GRID2IP: variants seen among roughly 807,000 people sequenced by gnomAD.
GRID2IP encodes delphilin.
Under a neutral mutation model 114.3 loss-of-function variants are expected in GRID2IP, and 78 were observed. The observed-to-expected ratio is 0.68, with a 90% confidence interval of 0.57 to 0.82. GRID2IP has a LOEUF of 0.82. Ranked by LOEUF, GRID2IP falls within the 40% of genes least tolerant of loss-of-function variation. The pLI is 0.00. For missense variants in GRID2IP, 1,727 were observed against 1,678.5 expected, an observed-to-expected ratio of 1.03 and a Z score of -0.51; for synonymous variants, 809 against 724.0, an observed-to-expected ratio of 1.12 and a Z score of -1.89.
In GRID2IP at chr7:6,510,580, C is replaced by A; in HGVS notation, c.1653+29G>T. On this transcript the variant is annotated intron_variant, in intron 10 of 21. Coordinates refer to ENST00000457091, the MANE Select transcript of GRID2IP (RefSeq NM_001145118.2). ...CCGTCCATTCCCTGCCCCCTACTGA[C>A]CCCACGTGGAGGGCAGAGAAGGTCT... is the stretch of plus-strand genomic sequence containing the variant. The A allele has an allele frequency of 2.0e-6, 3 of 1,485,428 alleles. No homozygotes were observed. The South Asian group carries it at 3.8e-5, about 19-fold the overall frequency. 92.0% of individuals were successfully genotyped at this position (1,485,428 alleles called of 1,614,324 possible).
intron 16 of GRID2IP, 66 bp from the exon 17 acceptor site, chr7:6,503,229 T>A: frequency 7.5e-7 from 1 of 1,333,588 alleles, no homozygotes; most frequent in Non-Finnish European, 1.0e-6. Context: ...CACCGCAGGC[T>A]TTGGGGTGGG....
At chr7:6,529,668 G>A (rs930822813) in intron 2 of GRID2IP, among the ~76,000 whole-genome samples, 4 of 152,146 alleles carry the variant, frequency 2.6e-5, no homozygotes, top group Admixed American at 6.6e-5. Flanking sequence ...GCCCTAAATC[G>A]ACTGACCCAG....
rs1468765686 is a variant in GRID2IP, at chr7:6,551,194, C to T, written c.243G>A (p.Val81=). 39 of 1,416,990 alleles carry T rather than the reference C, an allele frequency of 2.8e-5. No homozygotes were observed. The Admixed American group carries it at 9.5e-4, about 35-fold the overall frequency. 87.8% of individuals were successfully genotyped at this position (1,416,990 alleles called of 1,614,324 possible). The stretch of plus-strand genomic sequence containing the variant: ...CGGGGCCACCGTCGGGAGCCGGGAG[C>T]ACGCCCAGACTGGGCGGCACACGTG... ...RCPRVPPSLG[V]LPAPDGGPGP... Residue 81 remains valine (V), a synonymous_variant, in exon 1 of 22, where the codon GTG becomes GTA. Transcript: ENST00000457091.
Position 6,508,534 on chromosome 7 carries a change from G to A in GRID2IP, c.2128-133C>T. 7.1e-7 allele frequency: 1 copy of A among 1,405,586 alleles called. No individual in the cohort carries two copies. Among genetic ancestry groups the A allele is most frequent in the Non-Finnish European group, 9.5e-7 (1 of 1,048,136 alleles). 87.1% of individuals were successfully genotyped at this position (1,405,586 alleles called of 1,614,324 possible). A position where few individuals can be genotyped will look rare whatever the true frequency, so the allele number is the denominator to read the frequency against. ...CTCACGGGTTAGCCTCAGGCTGTGA[G>A]GGACACCTGGGCTAAGGATAGGACT... On this transcript the variant is annotated intron_variant, in intron 12 of 21. Transcript: ENST00000457091. The surrounding 1 kb of genome is among the most constrained non-coding windows in gnomAD (Gnocchi z 5.6).
rs1332287704 is a variant in GRID2IP, at chr7:6,551,073, C to G, written c.364G>C (p.Gly122Arg). ...ALGRELLRLAGRKRPDAVHRE... is the reference protein window; with the variant it reads ...ALGRELLRLARRKRPDAVHRE... Reference sequence around the variant, plus strand: ...TGCACCGCGTCCGGGCGCTTGCGGCCGGCCAGGCGAAGCAGCTCACGGCCC... The same window carrying G: ...TGCACCGCGTCCGGGCGCTTGCGGCGGGCCAGGCGAAGCAGCTCACGGCCC... Residue 122 changes from glycine (G) to arginine (R), a missense_variant, in exon 1 of 22, where the codon GGC (glycine) becomes CGC (arginine). Transcript: ENST00000457091. 7.6e-7 allele frequency: 1 copy of G among 1,313,850 alleles called. No homozygotes were observed. The highest frequency in any genetic ancestry group is 9.7e-7 in the Non-Finnish European group (1 of 1,035,074). 81.4% of individuals were successfully genotyped at this position (1,313,850 alleles called of 1,614,324 possible). A position where few individuals can be genotyped will look rare whatever the true frequency, so the allele number is the denominator to read the frequency against.
intron 4 of GRID2IP, among the ~76,000 whole-genome samples, chr7:6,522,233 G>A (rs555924432): frequency 5.9e-5 from 9 of 152,146 alleles, no homozygotes; most frequent in Non-Finnish European, 1.0e-4. Context: ...GCAGAGGAGA[G>A]TCAAATCAGG....
chr7:6,508,524 C>T lies in GRID2IP; in HGVS notation c.2128-123G>A. On this transcript the variant is annotated intron_variant, in intron 12 of 21. Coordinates refer to ENST00000457091, the MANE Select transcript of GRID2IP (RefSeq NM_001145118.2). The surrounding 1 kb of genome is among the most constrained non-coding windows in gnomAD (Gnocchi z 5.6). ...ACAGGGCCATCTCACGGGTTAGCCTCAGGCTGTGAGGGACACCTGGGCTAA... is the reference window on the plus strand; with the variant it reads ...ACAGGGCCATCTCACGGGTTAGCCTTAGGCTGTGAGGGACACCTGGGCTAA... 6.8e-7 allele frequency: 1 copy of T among 1,470,330 alleles called. No homozygotes were observed. Among genetic ancestry groups the T allele is most frequent in the Non-Finnish European group, 9.1e-7 (1 of 1,101,838 alleles). The allele number at this position is 1,470,330 out of a possible 1,614,324, so 91.1% of individuals were successfully genotyped here.
At chr7:6,527,413 T>C (rs1779536325) in intron 2 of GRID2IP, among the ~76,000 whole-genome samples, 2 of 152,190 alleles carry the variant, frequency 1.3e-5, no homozygotes, top group African/African-American at 4.8e-5. Flanking sequence ...TGGCCTCCTT[T>C]CAACTTAATC....
At chr7:6,541,522 G>T (rs1394550756) in intron 1 of GRID2IP, among the ~76,000 whole-genome samples, 1 of 152,166 alleles carries the variant, frequency 6.6e-6, no homozygotes, top group Non-Finnish European at 1.5e-5. Context: ...CAAACCAGCT[G>T]ATACTAATCA....
Position 6,508,045 on chromosome 7 carries a change from C to T in GRID2IP, c.2484G>A (p.Met828Ile). 2 of 1,548,816 alleles carry T rather than the reference C, an allele frequency of 1.3e-6. No individual in the cohort carries two copies. Among genetic ancestry groups the T allele is most frequent in the Non-Finnish European group, 1.7e-6 (2 of 1,146,636 alleles). ...GTTCCCACCGCAAGCGCTTGACGCT[C>T]ATGTGGCTGGTCTCACTGCGCCGGT... is the stretch of plus-strand genomic sequence containing the variant. ...LGHRRSETSH[M>I]SVKRLRWEQV... Residue 828 changes from methionine (M) to isoleucine (I), a missense_variant, in exon 13 of 22, where the codon ATG (methionine) becomes ATA (isoleucine). Met to Ile is a conservative substitution (Grantham distance 10). Coordinates refer to ENST00000457091, the MANE Select transcript of GRID2IP (RefSeq NM_001145118.2). The surrounding 1 kb of genome is among the most constrained non-coding windows in gnomAD (Gnocchi z 5.6).
intron 8 of GRID2IP, among the ~76,000 whole-genome samples, chr7:6,513,655 T>C (rs536279790): frequency 6.6e-6 from 1 of 152,298 alleles, no homozygotes; most frequent in African/African-American, 2.4e-5. Context: ...GGTTATGTTG[T>C]ATATGCTGCA....
At chr7:6,539,386 C>T (rs1779778860) in intron 2 of GRID2IP, among the ~76,000 whole-genome samples, 1 of 152,096 alleles carries the variant, frequency 6.6e-6, no homozygotes, top group Non-Finnish European at 1.5e-5. Flanking sequence ...CTCAGCCTCC[C>T]AAAGCACGTG....
At chr7:6,547,555 A>G (rs1037968984) in intron 1 of GRID2IP, among the ~76,000 whole-genome samples, 15 of 152,134 alleles carry the variant, frequency 9.9e-5, no homozygotes, top group African/African-American at 3.6e-4. Context: ...CTCAAAAACA[A>G]CAACAATAAA....
chr7:6,520,710 T>G lies in GRID2IP; in HGVS notation c.1136A>C (p.Gln379Pro). 6.4e-7 allele frequency: 1 copy of G among 1,551,600 alleles called. No individual in the cohort carries two copies. Among genetic ancestry groups the G allele is most frequent in the Non-Finnish European group, 8.7e-7 (1 of 1,146,970 alleles). The stretch of plus-strand genomic sequence containing the variant: ...GGACGGCAGGATCTCCGCCACCCAC[T>G]GCAGGGAGGTGAGCGCCGACGACGG... ...PNPSSALTSL[Q>P]WVAEILPSSI... The change falls in exon 7 of 22, where the codon CAG becomes CCG. Residue 379 changes from glutamine (Q) to proline (P), a missense_variant. Transcript: ENST00000457091. The surrounding 1 kb of genome is among the most constrained non-coding windows in gnomAD (Gnocchi z 4.6).
chr7:6,514,520 G>A lies in GRID2IP; in HGVS notation c.1278C>T (p.Asp426=). The change falls in exon 8 of 22, where the codon GAC becomes GAT. Residue 426 remains aspartate, a synonymous_variant. Coordinates refer to ENST00000457091, the MANE Select transcript of GRID2IP (RefSeq NM_001145118.2). The part of the protein sequence containing the change: ...LESFFQHRNI[D]TLIVDVYPVL... ...CAGGGTAGACGTCAACGATGAGGGTGTCGATGTTCCTGGGGGAAGGTGCAG... is the reference window on the plus strand; with the variant it reads ...CAGGGTAGACGTCAACGATGAGGGTATCGATGTTCCTGGGGGAAGGTGCAG... 1 of 1,524,266 alleles carries A rather than the reference G, an allele frequency of 6.6e-7. No homozygotes were observed. The highest frequency in any genetic ancestry group is 8.8e-7 in the Non-Finnish European group (1 of 1,132,624). 94.4% of individuals were successfully genotyped at this position (1,524,266 alleles called of 1,614,324 possible).
At chr7:6,540,561 C>T (rs990192030) in intron 1 of GRID2IP, among the ~76,000 whole-genome samples, 1 of 151,360 alleles carries the variant, frequency 6.6e-6, no homozygotes, top group African/African-American at 2.4e-5. Flanking sequence ...CACTCTGCCA[C>T]CCAGGCTGGG....
chr7:6,531,394 C>A (rs1779620438), intron 2 of GRID2IP, among the ~76,000 whole-genome samples: 1 of 152,240 alleles, frequency 6.6e-6, no homozygotes, highest in African/African-American at 2.4e-5. Context: ...CCGTTATTCC[C>A]TTCCCAGGAT....
At chr7:6,501,632 C>T (rs1786417732) in intron 20 of GRID2IP, 149 bp downstream of exon 20, 1 of 666,170 alleles carries the variant, frequency 1.5e-6, no homozygotes, top group Non-Finnish European at 2.7e-6. Context: ...CAGGATAGAG[C>T]CTCTTCCAGG....
intron 2 of GRID2IP, among the ~76,000 whole-genome samples, chr7:6,537,337 A>C (rs1030021214): frequency 7.9e-6 from 1 of 127,124 alleles, no homozygotes; most frequent in Non-Finnish European, 1.6e-5. Flanking sequence ...TTAGGTCAGG[A>C]GTTCGAGACC....
Sources: allele counts gnomAD v4.1 joint callset (sites outside exome capture counted in the v4.1 genomes callset), GRCh38; gene constraint gnomAD v4.1.1; non-coding constraint Gnocchi (gnomAD v3.1); transcripts MANE v1.5; gene names NCBI Gene and HGNC (gene_info 2026-07-23, HGNC 2026-07-21).